Variants in CPA5 observed in about 807,000 individuals in gnomAD.
The protein encoded by CPA5 is testicular tissue protein Li 32.
In CPA5, 38 loss-of-function variants were observed where a neutral mutation model predicts 52.2. The observed-to-expected ratio is 0.73, with a 90% CI of 0.56 to 0.95. The LOEUF is 0.95. Ranked by LOEUF, CPA5 falls within the 40% of genes least tolerant of loss-of-function variation. The pLI, the probability that CPA5 is intolerant of heterozygous loss-of-function variation, is 0.00. For missense variants in CPA5, 519 were observed against 566.7 expected (o/e 0.92, Z 0.86); for synonymous variants, 198 against 213.7 (o/e 0.93, Z 0.64).
intron 10 of CPA5, among the ~76,000 whole-genome samples, chr7:130,365,403 A>G (rs573165978): frequency 6.6e-6 from 1 of 152,202 alleles, no homozygotes; most frequent in Non-Finnish European, 1.5e-5. Flanking sequence ...AAAAATATCC[A>G]TATACACACA....
In CPA5 at chr7:130,367,536, C is replaced by G; in HGVS notation, c.1003C>G (p.Arg335Gly). 2 of 1,614,032 alleles carry G rather than the reference C, an allele frequency of 1.2e-6. No homozygotes were observed. The highest frequency in any genetic ancestry group is 1.7e-6 in the Non-Finnish European group (2 of 1,179,982). The change falls in exon 11 of 13, where the codon CGA (arginine) becomes GGA (glycine). Residue 335 changes from arginine (R) to glycine (G), a missense_variant. By Grantham distance (125) the Arg-to-Gly change is moderately radical (BLOSUM62 -2). Transcript: ENST00000474905. Reference sequence around the variant, plus strand: ...TCAGATGCTTATGTACCCTTACGGCCGATTGCTGGAGCCCGTTTCAAATCA... The same window carrying G: ...TCAGATGCTTATGTACCCTTACGGCGGATTGCTGGAGCCCGTTTCAAATCA... The part of the protein sequence containing the change: ...YSQMLMYPYG[R>G]LLEPVSNQRE...
At chr7:130,360,995 T>G (rs782149315) in intron 6 of CPA5, 148 bp from the exon 7 acceptor site, 3 of 600,340 alleles carry the variant, frequency 5.0e-6, no homozygotes, top group Non-Finnish European at 8.9e-6. Flanking sequence ...TTTGCAATTC[T>G]TTATCTGGGT....
intron 10 of CPA5, 119 bp from the exon 11 acceptor site, chr7:130,367,253 A>G: frequency 2.5e-6 from 2 of 810,124 alleles, no homozygotes; most frequent in Non-Finnish European, 4.0e-6. Flanking sequence ...TAGTCACATG[A>G]CCTCAGTCAT....
the CPA5 span, among the ~76,000 whole-genome samples, chr7:130,373,939 G>A: frequency 6.6e-6 from 1 of 152,238 alleles, no homozygotes; most frequent in South Asian, 2.1e-4. Context: ...TGGGGTAGGA[G>A]AACCTTGGAG....
chr7:130,366,350 AAACTGG>A (rs1322135064), intron 10 of CPA5, among the ~76,000 whole-genome samples: 3 of 152,040 alleles, frequency 2.0e-5, no homozygotes, highest in African/African-American at 4.8e-5. Context: ...GAGAGAGGAG[AAACTGG>A]GATGACTCCT....
intron 5 of CPA5, 70 bp from the exon 6 acceptor site, chr7:130,359,519 C>T: frequency 9.1e-7 from 1 of 1,097,706 alleles, no homozygotes. Flanking sequence ...CCAGTGGAGG[C>T]AGGGCTCAGA....
downstream of CPA5, among the ~76,000 whole-genome samples, chr7:130,369,998 CGAA>C (rs1796277955): frequency 6.6e-6 from 1 of 152,018 alleles, no homozygotes. Context: ...GACTAATGGC[CGAA>C]GAAGGAGACT....
downstream of CPA5, chr7:130,368,824 G>A (rs973409590): frequency 3.6e-6 from 2 of 561,646 alleles, no homozygotes; most frequent in Non-Finnish European, 6.3e-6. Flanking sequence ...AGCCTGAAAT[G>A]TGGGGGAAGC....
At chr7:130,356,239 C>T (rs1554405169) in intron 5 of CPA5, among the ~76,000 whole-genome samples, 1 of 152,222 alleles carries the variant, frequency 6.6e-6, no homozygotes, top group African/African-American at 2.4e-5. Context: ...CTGCTACCTC[C>T]TCCCCTGCCC....
downstream of CPA5, among the ~76,000 whole-genome samples, chr7:130,370,091 G>C (rs1187962835): frequency 6.6e-6 from 1 of 152,268 alleles, no homozygotes; most frequent in Non-Finnish European, 1.5e-5. Flanking sequence ...GGCAGGTGAG[G>C]AGGCCTAGGA....
downstream of CPA5, among the ~76,000 whole-genome samples, chr7:130,369,676 CGTGTGTGTGTCCGTGT>C (rs1796272754): frequency 6.6e-6 from 1 of 151,584 alleles, no homozygotes; most frequent in South Asian, 2.1e-4. Context: ...TGTGCATGTG[CGTGTGTGTGTCCGTGT>C]GTGTGTGTGT....
intron 4 of CPA5, among the ~76,000 whole-genome samples, chr7:130,349,170 T>C (rs2117300057): frequency 6.6e-6 from 1 of 152,314 alleles, no homozygotes; most frequent in Non-Finnish European, 1.5e-5. Context: ...TGGTGGCTCA[T>C]GCCTGCAATC....
At chr7:130,354,330 ATAATT>A (rs1368050544) in intron 5 of CPA5, among the ~76,000 whole-genome samples, 1 of 152,160 alleles carries the variant, frequency 6.6e-6, no homozygotes. Flanking sequence ...CATTGCTTAT[ATAATT>A]TAATTCTTTA....
intron 5 of CPA5, among the ~76,000 whole-genome samples, chr7:130,351,642 G>T (rs1438734772): frequency 6.6e-6 from 1 of 152,188 alleles, no homozygotes; most frequent in African/African-American, 2.4e-5. Flanking sequence ...AGCTGGGGGT[G>T]GGGTGGCTGA....
intron 4 of CPA5, among the ~76,000 whole-genome samples, chr7:130,349,573 T>C (rs1554403311): frequency 6.6e-6 from 1 of 152,192 alleles, no homozygotes; most frequent in Non-Finnish European, 1.5e-5. Context: ...AAGAGTGTAC[T>C]TGGAGTACTT....
At chr7:130,353,659 G>A (rs1795312472) in intron 5 of CPA5, among the ~76,000 whole-genome samples, 1 of 152,158 alleles carries the variant, frequency 6.6e-6, no homozygotes, top group Non-Finnish European at 1.5e-5. Context: ...ATTTATCGCT[G>A]CCTTCAGAAT....
chr7:130,360,077 TA>T (rs1307634487), intron 6 of CPA5, among the ~76,000 whole-genome samples: 6 of 152,188 alleles, frequency 3.9e-5, no homozygotes, highest in Non-Finnish European at 5.9e-5. Context: ...TCCCCTGGAT[TA>T]AAAAACTGCC....
intron 7 of CPA5, 145 bp from the exon 8 acceptor site, chr7:130,362,293 C>A: frequency 1.9e-6 from 1 of 537,238 alleles, no homozygotes; most frequent in Non-Finnish European, 3.4e-6. Flanking sequence ...GGCACATGGA[C>A]AGGTACCTGC....
intron 5 of CPA5, among the ~76,000 whole-genome samples, chr7:130,352,003 C>T (rs1562950399): frequency 6.6e-6 from 1 of 152,166 alleles, no homozygotes; most frequent in Non-Finnish European, 1.5e-5. Context: ...CTTCCTACCC[C>T]AGTACCTACC....
Sources: allele counts gnomAD v4.1 joint callset (sites outside exome capture counted in the v4.1 genomes callset), GRCh38; gene constraint gnomAD v4.1.1; transcripts MANE v1.5; gene names NCBI Gene and HGNC (gene_info 2026-07-23, HGNC 2026-07-21).